The following C10orf53 variants were observed in gnomAD, a reference collection of about 807,000 sequenced individuals.
The protein encoded by C10orf53 is UPF0728 protein C10orf53.
In C10orf53, 8 loss-of-function variants were observed where a neutral mutation model predicts 9.4. The observed-to-expected ratio is 0.85, with a 90% CI of 0.50 to 1.53. The LOEUF is 1.53. Ranked by LOEUF, C10orf53 falls within the 40% of genes most tolerant of loss-of-function variation. The pLI is 0.00. For missense variants in C10orf53, 117 were observed against 117.8 expected, an observed-to-expected ratio of 0.99 and a Z score of 0.03; for synonymous variants, 48 against 46.0, an observed-to-expected ratio of 1.04 and a Z score of -0.18.
intron 1 of C10orf53, 25 bp from the exon 2 acceptor site, chr10:49,693,749 T>G (rs1840606993): frequency 6.2e-7 from 1 of 1,609,604 alleles, no homozygotes; most frequent in Non-Finnish European, 8.5e-7. Flanking sequence ...CCCATGTCAC[T>G]CACCTCCTTT....
intron 1 of C10orf53, among the ~76,000 whole-genome samples, chr10:49,686,592 G>A (rs1008293078): frequency 2.0e-5 from 3 of 152,156 alleles, no homozygotes; most frequent in African/African-American, 7.2e-5. Flanking sequence ...GGAAAGGAAT[G>A]CATTCCAGGG....
chr10:49,702,013 C>T (rs1342369229), downstream of C10orf53, among the ~76,000 whole-genome samples: 2 of 152,046 alleles, frequency 1.3e-5, no homozygotes, highest in Non-Finnish European at 2.9e-5. Flanking sequence ...ATCAGCCTGG[C>T]TAACATGGTG....
chr10:49,707,705 A>C (rs7923106), intron 2 of C10orf53, among the ~76,000 whole-genome samples: 69,196 of 151,844 alleles, frequency 0.46, 16,162 homozygotes, highest in Middle Eastern at 0.5. Context: ...CCACTTGTTG[A>C]TTGTTGTCTT....
At chr10:49,704,415 C>T (rs1840708293) in intron 2 of C10orf53, among the ~76,000 whole-genome samples, 1 of 152,108 alleles carries the variant, frequency 6.6e-6, no homozygotes, top group Non-Finnish European at 1.5e-5. Context: ...ATATGTTTAA[C>T]CTCATTCTTA....
At position 49,708,515 on chromosome 10, in the gene C10orf53, A is replaced by C. The variant is rs137902239; in HGVS notation, c.372A>C (p.Gly124=). 3.7e-4 allele frequency: 592 copies of C among 1,614,186 alleles called. 5 individuals are homozygous for C. In the African/African-American group the frequency reaches 6.6e-3, roughly 18 times the overall value. Residue 124 remains glycine, a synonymous_variant, in exon 3 of 3, where the codon GGA becomes GGC. Transcript: ENST00000374112. ...CTTGTACTGTATTGGCCCAGATTGG[A>C]TCATGTATCCATTTCCAAACCAATC...
chr10:49,684,029 G>A (rs542683160), intron 1 of C10orf53, among the ~76,000 whole-genome samples: 3 of 152,300 alleles, frequency 2.0e-5, no homozygotes, highest in African/African-American at 7.2e-5. Context: ...ATGGTGTAAT[G>A]TAAGGGTCCA....
chr10:49,704,311 TAAGA>T (rs1363476340), intron 2 of C10orf53, among the ~76,000 whole-genome samples: 4 of 151,784 alleles, frequency 2.6e-5, no homozygotes, highest in African/African-American at 9.7e-5. Flanking sequence ...CACAAATCAC[TAAGA>T]AAAAGGCTAA....
intron 1 of C10orf53, among the ~76,000 whole-genome samples, chr10:49,689,052 G>A (rs566142595): frequency 2.0e-5 from 3 of 152,320 alleles, no homozygotes; most frequent in Non-Finnish European, 4.4e-5. Context: ...CTGGGTCCCA[G>A]CCCAGAGCTG....
chr10:49,709,025 G>C (rs1840742937), exon 3 of C10orf53: 1 of 188,960 alleles, frequency 5.3e-6, no homozygotes, highest in African/African-American at 2.4e-5. Flanking sequence ...ATCTCCTCCT[G>C]CAAACCACTC....
intron 2 of C10orf53, among the ~76,000 whole-genome samples, chr10:49,702,659 G>A (rs1468382629): frequency 1.3e-5 from 2 of 152,286 alleles, no homozygotes; most frequent in East Asian, 3.9e-4. Context: ...CAGCCAGCAG[G>A]TAGCAGGACT....
At position 49,694,664 on chromosome 10, in the gene C10orf53, T is replaced by C; in HGVS notation, c.*62T>C. 6.2e-7 allele frequency: 1 copy of C among 1,612,706 alleles called. No individual in the cohort carries two copies. The highest frequency in any genetic ancestry group is 8.5e-7 in the Non-Finnish European group (1 of 1,179,376). On this transcript the variant is annotated 3_prime_UTR_variant, in exon 3 of 3. Transcript: ENST00000374111. ...AGCAGCTGCCCCAGCCATTCTATGA[T>C]GCAGGCAGAAGTGGCTGTGCCACGG... is the stretch of plus-strand genomic sequence containing the variant.
At chr10:49,704,210 G>A (rs1840706713) in intron 2 of C10orf53, among the ~76,000 whole-genome samples, 1 of 152,202 alleles carries the variant, frequency 6.6e-6, no homozygotes, top group Admixed American at 6.5e-5. Flanking sequence ...GTGGTTTTGT[G>A]TTTTTAAAAA....
At position 49,697,506 on chromosome 10, in the gene C10orf53, A is replaced by T. The variant is rs1393047825; in HGVS notation, c.*2904A>T. 6.6e-6 allele frequency among the ~76,000 whole-genome samples: 1 copy of T among 152,228 alleles called. No homozygotes were observed. The highest frequency in any genetic ancestry group is 1.5e-5 in the Non-Finnish European group (1 of 68,046). On this transcript the variant is annotated 3_prime_UTR_variant, in exon 3 of 3. Transcript: ENST00000374111. ...TCAAGTCAATGTCGTTATGATTAAC[A>T]TGTAAAGAAAGTGTATTTTAAAATA... is the stretch of plus-strand genomic sequence containing the variant.
At chr10:49,684,994 A>C (rs575358113) in intron 1 of C10orf53, among the ~76,000 whole-genome samples, 2 of 152,342 alleles carry the variant, frequency 1.3e-5, no homozygotes, top group African/African-American at 4.8e-5. Context: ...GAGAACAAAC[A>C]TTGATGTTTT....
intron 1 of C10orf53, among the ~76,000 whole-genome samples, chr10:49,684,197 C>T (rs1405022498): frequency 1.3e-5 from 2 of 152,220 alleles, no homozygotes; most frequent in Non-Finnish European, 2.9e-5. Context: ...TCTAGGCTCT[C>T]AATTCTATTC....
intron 1 of C10orf53, among the ~76,000 whole-genome samples, chr10:49,685,740 C>T (rs1840522394): frequency 6.6e-6 from 1 of 152,126 alleles, no homozygotes; most frequent in Non-Finnish European, 1.5e-5. Flanking sequence ...TGAGTCATTT[C>T]TTTCTCACTG....
intron 1 of C10orf53, among the ~76,000 whole-genome samples, chr10:49,689,784 AAGAC>A (rs1840564395): frequency 6.6e-6 from 1 of 152,178 alleles, no homozygotes; most frequent in African/African-American, 2.4e-5. Flanking sequence ...GCCACTGAAA[AAGAC>A]AGAGGGAGAG....
At chr10:49,686,503 G>A (rs1469619484) in intron 1 of C10orf53, among the ~76,000 whole-genome samples, 2 of 152,196 alleles carry the variant, frequency 1.3e-5, no homozygotes, top group East Asian at 3.8e-4. Flanking sequence ...CTTGCAGAAA[G>A]CCTGTAGACA....
At chr10:49,682,040 C>A (rs1023494714) in intron 1 of C10orf53, among the ~76,000 whole-genome samples, 6 of 152,124 alleles carry the variant, frequency 3.9e-5, no homozygotes, top group African/African-American at 1.4e-4. Flanking sequence ...ACCTACCCAC[C>A]CTCACCTCAT....
Sources: allele counts gnomAD v4.1 joint callset (sites outside exome capture counted in the v4.1 genomes callset), GRCh38; gene constraint gnomAD v4.1.1; transcripts MANE v1.5; gene names NCBI Gene and HGNC (gene_info 2026-07-23, HGNC 2026-07-21).